ANO2: variants seen among roughly 807,000 people sequenced by gnomAD.
The protein encoded by ANO2 is anoctamin-2.
A neutral mutation model predicts 124.2 loss-of-function variants in ANO2; 101 were observed. The ratio of observed to expected loss-of-function variants is 0.81; its 90% confidence interval spans 0.69 to 0.96. The LOEUF is 0.96. Among genes scored for constraint, ANO2 ranks in the 40% least tolerant of loss-of-function variants. ANO2 has a pLI of 0.00. For synonymous variants in ANO2, 486 were observed against 482.5 expected (o/e 1.01, Z -0.09); for missense variants, 1,293 against 1,274.5 (o/e 1.01, Z -0.22).
chr12:5,915,544 C>T (rs1941329304), intron 3 of ANO2, among the ~76,000 whole-genome samples: 2 of 152,050 alleles, frequency 1.3e-5, no homozygotes, highest in Admixed American at 1.3e-4. Context: ...TGATAGGAAC[C>T]CATTTGCTCT....
chr12:5,564,893 C>T (rs1440309803), intron 24 of ANO2, among the ~76,000 whole-genome samples: 1 of 152,138 alleles, frequency 6.6e-6, no homozygotes, highest in African/African-American at 2.4e-5. Flanking sequence ...AATACAAAAG[C>T]CTGAGGGAGC....
intron 16 of ANO2, among the ~76,000 whole-genome samples, chr12:5,622,930 C>T (rs532422844): frequency 6.7e-6 from 1 of 148,448 alleles, no homozygotes; most frequent in South Asian, 2.1e-4. Flanking sequence ...TGCCACCGCA[C>T]TCCAGCCTGG....
upstream of ANO2, chr12:5,946,160 T>A: frequency 6.2e-7 from 1 of 1,613,934 alleles, no homozygotes. The surrounding 1 kb of genome is among the most constrained non-coding windows in gnomAD (Gnocchi z 4.1). Context: ...CCTTCAGGCA[T>A]GAAGATTTTC....
chr12:5,882,814 T>A (rs1192636024), intron 3 of ANO2, among the ~76,000 whole-genome samples: 1 of 152,080 alleles, frequency 6.6e-6, no homozygotes, highest in African/African-American at 2.4e-5. Context: ...GCAGAGATCT[T>A]GATCAAACTG....
chr12:5,759,960 G>C (rs969997804), intron 10 of ANO2, among the ~76,000 whole-genome samples: 1 of 151,682 alleles, frequency 6.6e-6, no homozygotes, highest in Non-Finnish European at 1.5e-5. Context: ...TAGAAATTTG[G>C]ATCTACACAA....
At chr12:5,661,665 G>A (rs1353232743) in intron 14 of ANO2, among the ~76,000 whole-genome samples, 1 of 152,084 alleles carries the variant, frequency 6.6e-6, no homozygotes, top group African/African-American at 2.4e-5. Flanking sequence ...GATGCCACTG[G>A]GTCCCACTTT....
chr12:5,832,386 A>G (rs1591669825), intron 5 of ANO2, 66 bp downstream of exon 5: 1 of 1,589,708 alleles, frequency 6.3e-7, no homozygotes, highest in East Asian at 2.2e-5. Flanking sequence ...GCTGAGTCAT[A>G]GAACAGTATT....
rs117449318 is a variant in ANO2 at position 5,711,179 on chromosome 12, T to A, written c.1545+21341A>T. 7.6e-3 allele frequency among the ~76,000 whole-genome samples: 1,139 copies of A among 150,566 alleles called. 9 individuals carry two copies. The highest frequency in any genetic ancestry group is 0.011 in the Non-Finnish European group (757 of 67,646). On this transcript the variant is annotated intron_variant, in intron 14 of 24. Coordinates refer to ENST00000682330, the MANE Select transcript of ANO2 (RefSeq NM_001364791.2). ...TCTCAAAAAAAAAAAAAAAAATTGATCCCTAATGTTGGAGGTAGAGCCTGG... is the reference window on the plus strand; with the variant it reads ...TCTCAAAAAAAAAAAAAAAAATTGAACCCTAATGTTGGAGGTAGAGCCTGG...
chr12:5,566,033 A>G (rs1941728847), intron 23 of ANO2, among the ~76,000 whole-genome samples: 1 of 152,084 alleles, frequency 6.6e-6, no homozygotes, highest in Non-Finnish European at 1.5e-5. Context: ...CTGTGTGGGT[A>G]GGGGAGACCC....
chr12:5,802,135 C>T (rs372312573), intron 9 of ANO2, among the ~76,000 whole-genome samples: 1 of 152,218 alleles, frequency 6.6e-6, no homozygotes, highest in African/African-American at 2.4e-5. Context: ...AAAAATGTCC[C>T]AGGAACCCTG....
chr12:5,863,456 C>A (rs768539743), intron 3 of ANO2, among the ~76,000 whole-genome samples: 109 of 152,356 alleles, frequency 7.2e-4, no homozygotes, highest in Non-Finnish European at 1.3e-3. Context: ...AGCTCTGTCA[C>A]TTACCAGCTG....
At chr12:5,783,715 A>G (rs568398514) in intron 10 of ANO2, among the ~76,000 whole-genome samples, 171 of 152,282 alleles carry the variant, frequency 1.1e-3, no homozygotes, top group African/African-American at 4.1e-3. Context: ...CTCTGGTGCT[A>G]ATTAGCTATG....
intron 20 of ANO2, among the ~76,000 whole-genome samples, chr12:5,586,623 T>G (rs1209872428): frequency 6.6e-6 from 1 of 152,132 alleles, no homozygotes; most frequent in Non-Finnish European, 1.5e-5. Flanking sequence ...AATATCAGAG[T>G]TGAAAAGAAT....
chr12:5,899,650 C>T (rs12301255), intron 3 of ANO2, among the ~76,000 whole-genome samples: 2 of 152,134 alleles, frequency 1.3e-5, no homozygotes, highest in East Asian at 3.9e-4. Context: ...TCTTAGAAGA[C>T]AGAAACAGCT....
rs78647246 is a variant in ANO2 at position 5,636,881 on chromosome 12, T to C, written c.1621-1534A>G. Among the ~76,000 whole-genome samples the C allele has an allele frequency of 1.3e-5, 2 of 152,012 alleles. No homozygotes were observed. Among genetic ancestry groups the C allele is most frequent in the Non-Finnish European group, 2.9e-5 (2 of 68,000 alleles). On this transcript the variant is annotated intron_variant, in intron 15 of 24. Coordinates refer to ENST00000682330, the MANE Select transcript of ANO2 (RefSeq NM_001364791.2). This position sits in a 1 kb window ranked among gnomAD's most constrained non-coding sequence, Gnocchi z 4.6. Reference sequence around the variant, plus strand: ...TGGCAGACTCAGCTCTTTATCCTGGTAGGCTTCAAAAAATACCAGTAATTG... The same window carrying C: ...TGGCAGACTCAGCTCTTTATCCTGGCAGGCTTCAAAAAATACCAGTAATTG...
At chr12:5,920,080 G>C (rs139097045) in intron 3 of ANO2, among the ~76,000 whole-genome samples, 114 of 91,206 alleles carry the variant, frequency 1.2e-3, no homozygotes, top group African/African-American at 3.0e-3. Context: ...TGGATGGATG[G>C]ATGCATGCAT....
chr12:5,634,160 C>T (rs1177631191), intron 16 of ANO2, among the ~76,000 whole-genome samples: 5 of 152,268 alleles, frequency 3.3e-5, no homozygotes, highest in Non-Finnish European at 2.9e-5. Context: ...AGAGCTGCCC[C>T]TGAGGATGGT....
chr12:5,613,526 A>AGGTC lies in ANO2; in HGVS notation c.1929-572_1929-569dup, dbSNP rs1197135815. On this transcript the variant is annotated intron_variant, in intron 17 of 24. Coordinates refer to ENST00000682330, the MANE Select transcript of ANO2 (RefSeq NM_001364791.2). The stretch of plus-strand genomic sequence containing the variant: ...TTATTGGGGGACAATAAGACTGTGC[A>AGGTC]GGTCGGGGAAGCAAAACAGTAAAAG... 2.6e-5 allele frequency among the ~76,000 whole-genome samples: 4 copies of AGGTC among 152,326 alleles called. No individual in the cohort carries two copies. In the East Asian group the frequency reaches 7.7e-4, roughly 29 times the overall value.
intron 15 of ANO2, among the ~76,000 whole-genome samples, chr12:5,645,411 G>A (rs1946585435): frequency 6.6e-6 from 1 of 151,612 alleles, no homozygotes; most frequent in South Asian, 2.1e-4. Flanking sequence ...ATCTATCCAT[G>A]GTCGTGTGTG....
Sources: allele counts gnomAD v4.1 joint callset (sites outside exome capture counted in the v4.1 genomes callset), GRCh38; gene constraint gnomAD v4.1.1; non-coding constraint Gnocchi (gnomAD v3.1); transcripts MANE v1.5; gene names NCBI Gene and HGNC (gene_info 2026-07-23, HGNC 2026-07-21).